ANKRD44: variants seen among roughly 807,000 people sequenced by gnomAD.
ANKRD44 encodes the protein ankyrin repeat domain 44.
Under a neutral mutation model 116.0 loss-of-function variants are expected in ANKRD44, and 35 were observed. The ratio of observed to expected loss-of-function variants is 0.30; its 90% CI spans 0.23 to 0.40. The LOEUF is 0.40. Ranked by LOEUF, ANKRD44 falls within the 10% of genes least tolerant of loss-of-function variation. The pLI, the probability that ANKRD44 is intolerant of heterozygous loss-of-function variation, is 1.00. For synonymous variants in ANKRD44, 435 were observed against 461.8 expected, an observed-to-expected ratio of 0.94 and a Z score of 0.74; for missense variants, 1,014 against 1,242.6, an observed-to-expected ratio of 0.82 and a Z score of 2.77.
intron 1 of ANKRD44, among the ~76,000 whole-genome samples, chr2:197,187,943 C>T (rs2080725275): frequency 6.6e-6 from 1 of 151,990 alleles, no homozygotes; most frequent in South Asian, 2.1e-4. Flanking sequence ...GACAATGTTC[C>T]TTGTTATCCT....
At chr2:197,160,059 T>C (rs1489370127) in intron 2 of ANKRD44, among the ~76,000 whole-genome samples, 2 of 151,740 alleles carry the variant, frequency 1.3e-5, no homozygotes, top group Non-Finnish European at 2.9e-5. Context: ...CACACACACA[T>C]ACACACATGC....
intron 1 of ANKRD44, among the ~76,000 whole-genome samples, chr2:197,300,761 T>C (rs1324304430): frequency 6.9e-6 from 1 of 145,690 alleles, no homozygotes; most frequent in Non-Finnish European, 1.5e-5. Context: ...CATTTTCCTT[T>C]TTTTTTTTTT....
intron 2 of ANKRD44, among the ~76,000 whole-genome samples, chr2:197,184,081 A>G (rs1057096333): frequency 6.6e-6 from 1 of 152,184 alleles, no homozygotes; most frequent in Non-Finnish European, 1.5e-5. Flanking sequence ...CCTAGCACTG[A>G]GCACACAGTC....
At position 197,125,789 on chromosome 2, in the gene ANKRD44, G is replaced by A. The variant is rs367867134; in HGVS notation, c.462+48C>T. ...AGAAGATCAGTTTCCACTTGTGGCT[G>A]AAAGTCCTGGAGGGAGCGTTCCAAT... is the stretch of plus-strand genomic sequence containing the variant. On this transcript the variant is annotated intron_variant, in intron 5 of 27. Transcript: ENST00000282272. The A allele has an allele frequency of 1.0e-4, 160 of 1,580,198 alleles. 2 individuals are homozygous for A. In the East Asian group the frequency reaches 1.3e-3, roughly 13 times the overall value.
chr2:197,026,386 G>A (rs1282541857), intron 16 of ANKRD44, among the ~76,000 whole-genome samples: 1 of 152,244 alleles, frequency 6.6e-6, no homozygotes, highest in Non-Finnish European at 1.5e-5. Context: ...TATGTAGGGT[G>A]ATTAGGGAAA....
At chr2:196,978,397 C>T (rs532419199) in intron 21 of ANKRD44, among the ~76,000 whole-genome samples, 27 of 152,294 alleles carry the variant, frequency 1.8e-4, no homozygotes, top group Admixed American at 1.4e-3. Context: ...AACCACTTTT[C>T]TTTATAAATT....
intron 1 of ANKRD44, among the ~76,000 whole-genome samples, chr2:197,273,401 A>C (rs1381978326): frequency 6.6e-6 from 1 of 152,230 alleles, no homozygotes; most frequent in Non-Finnish European, 1.5e-5. Flanking sequence ...GGTGTCTGGG[A>C]AATATCCATT....
intron 1 of ANKRD44, among the ~76,000 whole-genome samples, chr2:197,307,424 T>A (rs1366836): frequency 6.6e-6 from 1 of 151,622 alleles, no homozygotes; most frequent in Non-Finnish European, 1.5e-5. Context: ...AAGGCTGCAA[T>A]AAAAATTATG....
chr2:197,148,206 T>C (rs368869873), intron 2 of ANKRD44, among the ~76,000 whole-genome samples: 4 of 152,338 alleles, frequency 2.6e-5, no homozygotes, highest in East Asian at 3.9e-4. Flanking sequence ...ATTATTGTCA[T>C]TGGCATAGAG....
At chr2:197,108,741 G>A (rs2078493211) in intron 9 of ANKRD44, among the ~76,000 whole-genome samples, 2 of 152,150 alleles carry the variant, frequency 1.3e-5, no homozygotes, top group African/African-American at 2.4e-5. Flanking sequence ...GGGAGGCTGA[G>A]GCACAAGAAT....
intron 16 of ANKRD44, among the ~76,000 whole-genome samples, chr2:197,058,904 C>T (rs2077255683): frequency 6.6e-6 from 1 of 152,220 alleles, no homozygotes; most frequent in Non-Finnish European, 1.5e-5. Flanking sequence ...ATCAATTCCA[C>T]TTGCTAAGCA....
At position 196,989,004 on chromosome 2, in the gene ANKRD44, G is replaced by A; in HGVS notation, c.*587C>T. 1 of 985,480 alleles carries A rather than the reference G, an allele frequency of 1.0e-6. No homozygotes were observed. Among genetic ancestry groups the A allele is most frequent in the Non-Finnish European group, 1.2e-6 (1 of 829,970 alleles). The allele number at this position is 985,480 out of a possible 1,614,324, so 61.0% of individuals were successfully genotyped here. A position where few individuals can be genotyped will look rare whatever the true frequency, so the allele number is the denominator to read the frequency against. On this transcript the variant is annotated 3_prime_UTR_variant, in exon 28 of 28. Coordinates refer to ENST00000282272, the MANE Select transcript of ANKRD44 (RefSeq NM_001195144.2). The stretch of plus-strand genomic sequence containing the variant: ...TAAGCTGGCTACAGACTGTGGCTGA[G>A]CAGTAGAAGATGCGTAGCCCTCTCT...
chr2:197,103,947 C>A (rs559659362), intron 9 of ANKRD44, among the ~76,000 whole-genome samples: 7 of 152,220 alleles, frequency 4.6e-5, no homozygotes, highest in Non-Finnish European at 7.4e-5. Context: ...TGTCATTAAT[C>A]TTTTTCATTA....
intron 1 of ANKRD44, among the ~76,000 whole-genome samples, chr2:197,223,978 A>AGATACATG (rs1005765997): frequency 2.0e-5 from 3 of 152,160 alleles, no homozygotes; most frequent in African/African-American, 7.2e-5. Context: ...GAAAAGTAGT[A>AGATACATG]GATACATGTC....
intron 6 of ANKRD44, 44 bp downstream of exon 6, chr2:197,125,337 G>C: frequency 6.5e-7 from 1 of 1,548,776 alleles, no homozygotes. Flanking sequence ...GGCTTATTTA[G>C]TTAAGGTTAT....
chr2:197,290,805 T>G (rs1248267114), intron 1 of ANKRD44, among the ~76,000 whole-genome samples: 3 of 152,168 alleles, frequency 2.0e-5, no homozygotes, highest in African/African-American at 4.8e-5. Context: ...TTGTTTGTTT[T>G]TTGTTTTTTG....
chr2:197,094,541 A>G (rs1396613979), intron 10 of ANKRD44, among the ~76,000 whole-genome samples: 1 of 152,228 alleles, frequency 6.6e-6, no homozygotes, highest in East Asian at 1.9e-4. Flanking sequence ...ATGATTCCTT[A>G]AAAGCCAAGA....
chr2:197,198,491 G>A (rs1282360773), intron 1 of ANKRD44, among the ~76,000 whole-genome samples: 1 of 152,056 alleles, frequency 6.6e-6, no homozygotes, highest in Non-Finnish European at 1.5e-5. Context: ...GGTAATATGT[G>A]AATCTAAAAG....
At chr2:197,307,047 G>C (rs1056463170) in intron 1 of ANKRD44, among the ~76,000 whole-genome samples, 1 of 152,060 alleles carries the variant, frequency 6.6e-6, no homozygotes, top group Non-Finnish European at 1.5e-5. Context: ...CTGAAGATAC[G>C]ACCACACACT....
Sources: gnomAD v4.1 joint callset for allele counts (sites outside exome capture counted in the v4.1 genomes callset) on GRCh38, gnomAD v4.1.1 for gene constraint, MANE v1.5 for transcripts, NCBI Gene and HGNC (gene_info 2026-07-23, HGNC 2026-07-21) for gene names.